Variants in LRP1B observed in about 807,000 individuals in gnomAD.
LRP1B encodes the protein low-density lipoprotein receptor-related protein 1B.
A neutral mutation model predicts 556.6 loss-of-function variants in LRP1B; 217 were observed. That is an observed-to-expected ratio of 0.39 (90% CI 0.35 to 0.44). The LOEUF is 0.44. LRP1B is among the 20% of genes least tolerant of loss of function. LRP1B has a pLI of 1.00. For missense variants in LRP1B, 5,053 were observed against 5,620.8 expected (o/e 0.90, Z 3.23); for synonymous variants, 2,047 against 1,865.8 (o/e 1.10, Z -2.50).
intron 82 of LRP1B, among the ~76,000 whole-genome samples, chr2:140,320,806 G>A (rs750923883): frequency 1.2e-4 from 18 of 152,168 alleles, no homozygotes; most frequent in Admixed American, 4.6e-4. Context: ...ACTCTGGGGG[G>A]CTTAGGCAGG....
intron 1 of LRP1B, among the ~76,000 whole-genome samples, chr2:141,854,140 C>A (rs528979655): frequency 2.3e-4 from 35 of 152,086 alleles, no homozygotes; most frequent in African/African-American, 8.4e-4. Context: ...TAAACCCTTT[C>A]ATGAAGTAAT....
chr2:140,740,159 C>A (rs185141569), intron 35 of LRP1B, among the ~76,000 whole-genome samples: 27 of 152,202 alleles, frequency 1.8e-4, no homozygotes, highest in Admixed American at 1.8e-3. Context: ...ATCCAGCAAC[C>A]CCACTCCTGG....
intron 1 of LRP1B, among the ~76,000 whole-genome samples, chr2:141,905,334 C>A (rs1699724949): frequency 6.6e-6 from 1 of 151,712 alleles, no homozygotes; most frequent in African/African-American, 2.4e-5. Flanking sequence ...ACAGAGTTAA[C>A]ATAAAGAGTG....
At chr2:141,799,830 G>GTGTGTT (rs542042686) in intron 2 of LRP1B, among the ~76,000 whole-genome samples, 5,139 of 151,770 alleles carry the variant, frequency 0.034, 305 homozygotes, top group African/African-American at 0.12. Flanking sequence ...GTGTGTGTGT[G>GTGTGTT]TATGACAGAG....
Position 140,867,972 on chromosome 2 carries a change from C to CA in LRP1B, c.4334+126dup, listed in dbSNP as rs138429255. ...GGGTCTGTATCTGATTTGGGGCAAG[C>CA]AAAAAAAAAATACACCTCCAATTTT... On this transcript the variant is annotated intron_variant, in intron 26 of 90. Coordinates refer to ENST00000389484, the MANE Select transcript of LRP1B (RefSeq NM_018557.3). 3.9e-3 allele frequency: 4,270 copies of CA among 1,106,170 alleles called. 2 individuals are homozygous for CA. Among genetic ancestry groups the CA allele is most frequent in the East Asian group, 0.023 (738 of 31,836 alleles). The allele number at this position is 1,106,170 out of a possible 1,614,324, so 68.5% of individuals were successfully genotyped here.
At chr2:141,169,734 A>G (rs998949526) in intron 7 of LRP1B, among the ~76,000 whole-genome samples, 2 of 151,446 alleles carry the variant, frequency 1.3e-5, no homozygotes, top group African/African-American at 4.9e-5. Flanking sequence ...AATGGAGACA[A>G]GATATGAGAA....
intron 7 of LRP1B, among the ~76,000 whole-genome samples, chr2:141,169,632 G>T (rs928079822): frequency 2.6e-5 from 4 of 151,758 alleles, no homozygotes; most frequent in Admixed American, 2.0e-4. Flanking sequence ...TCTGTCCTTT[G>T]TTAAAACAAA....
chr2:140,401,882 A>G (rs1684519092), intron 66 of LRP1B, among the ~76,000 whole-genome samples: 1 of 152,240 alleles, frequency 6.6e-6, no homozygotes, highest in Non-Finnish European at 1.5e-5. Context: ...GAGTCTGTCC[A>G]TGTAACAAGT....
chr2:141,764,033 C>A lies in LRP1B; in HGVS notation c.205+46246G>T, dbSNP rs539788137. The stretch of plus-strand genomic sequence containing the variant: ...TTACTTTTATAATAAGATAAAAGTT[C>A]TTAAATTAGTGTTCTGGACTGAATA... On this transcript the variant is annotated intron_variant, in intron 2 of 90. Coordinates refer to ENST00000389484, the MANE Select transcript of LRP1B (RefSeq NM_018557.3). Among the ~76,000 whole-genome samples the A allele has an allele frequency of 2.2e-4, 34 of 152,208 alleles. No individual in the cohort carries two copies. In the South Asian group the frequency reaches 6.9e-3, roughly 31 times the overall value.
At chr2:140,690,223 TA>T (rs1320336874) in intron 41 of LRP1B, among the ~76,000 whole-genome samples, 2 of 152,058 alleles carry the variant, frequency 1.3e-5, no homozygotes, top group Non-Finnish European at 2.9e-5. Context: ...TATCTTCCAT[TA>T]ATTTACAGCA....
intron 2 of LRP1B, among the ~76,000 whole-genome samples, chr2:141,486,353 A>G (rs1269632390): frequency 1.3e-5 from 2 of 152,194 alleles, no homozygotes; most frequent in Admixed American, 1.3e-4. Flanking sequence ...ATTCATCTGT[A>G]TACTTCTGAA....
intron 41 of LRP1B, among the ~76,000 whole-genome samples, chr2:140,635,959 T>A (rs1684058049): frequency 6.6e-6 from 1 of 152,122 alleles, no homozygotes; most frequent in African/African-American, 2.4e-5. Context: ...CTACGCTATC[T>A]TTCCAGCCTA....
At chr2:141,829,155 GTCC>G (rs1202987766) in intron 1 of LRP1B, among the ~76,000 whole-genome samples, 1 of 151,522 alleles carries the variant, frequency 6.6e-6, no homozygotes, top group Non-Finnish European at 1.5e-5. Context: ...GCGAGTTTTT[GTCC>G]TCAATTTCTA....
At position 141,028,907 on chromosome 2, in the gene LRP1B, C is replaced by T. The variant is rs543682325; in HGVS notation, c.1790-8805G>A. 6.6e-5 allele frequency among the ~76,000 whole-genome samples: 10 copies of T among 152,188 alleles called. No individual in the cohort carries two copies. In the East Asian group the frequency reaches 1.9e-3, roughly 30 times the overall value. ...AGGCAACAACCAAGTGAAACATACG[C>T]AGAATAATCACAAAAGAGAAAAAGG... On this transcript the variant is annotated intron_variant, in intron 11 of 90. Transcript: ENST00000389484.
chr2:141,392,336 A>G (rs1690081303), intron 3 of LRP1B, among the ~76,000 whole-genome samples: 1 of 151,916 alleles, frequency 6.6e-6, no homozygotes, highest in Non-Finnish European at 1.5e-5. Flanking sequence ...GCTATTTTGA[A>G]TGAATTTTAG....
chr2:141,983,435 A>G (rs1429024061), intron 1 of LRP1B, among the ~76,000 whole-genome samples: 1 of 152,116 alleles, frequency 6.6e-6, no homozygotes. Flanking sequence ...AGACAACACA[A>G]TTGATTATAA....
At chr2:141,932,834 T>C (rs1043777866) in intron 1 of LRP1B, among the ~76,000 whole-genome samples, 2 of 151,988 alleles carry the variant, frequency 1.3e-5, no homozygotes, top group African/African-American at 2.4e-5. Flanking sequence ...GGTAAATCTG[T>C]ATAAAATAAA....
In LRP1B at chr2:142,116,287, A is replaced by T. The variant is rs191944472; in HGVS notation, c.82+14361T>A. 9.1e-3 allele frequency among the ~76,000 whole-genome samples: 1,370 copies of T among 151,144 alleles called. 12 individuals are homozygous for T. The highest frequency in any genetic ancestry group is 0.012 in the Non-Finnish European group (805 of 67,750). ...CTAATAATAGGGTATATTGTCATGC[A>T]TTTCCCAAGGGTATACTGAGTAGGG... is the stretch of plus-strand genomic sequence containing the variant. On this transcript the variant is annotated intron_variant, in intron 1 of 90. Coordinates refer to ENST00000389484, the MANE Select transcript of LRP1B (RefSeq NM_018557.3).
At chr2:141,644,170 C>T (rs1267018627) in intron 2 of LRP1B, among the ~76,000 whole-genome samples, 2 of 152,022 alleles carry the variant, frequency 1.3e-5, no homozygotes, top group African/African-American at 2.4e-5. Context: ...TGTGGTTTGG[C>T]TGTGTCCCCA....
Sources: allele counts gnomAD v4.1 joint callset (sites outside exome capture counted in the v4.1 genomes callset), GRCh38; gene constraint gnomAD v4.1.1; transcripts MANE v1.5; gene names NCBI Gene and HGNC (gene_info 2026-07-23, HGNC 2026-07-21).